The following SLC46A3 variants were observed in gnomAD, a reference collection of about 807,000 sequenced individuals.
SLC46A3 encodes lysosomal proton-coupled steroid conjugate and bile acid symporter SLC46A3.
SLC46A3 carries 26 observed loss-of-function variants against 38.5 expected under a neutral mutation model. The observed-to-expected ratio is 0.68, with a 90% confidence interval of 0.49 to 0.94. The LOEUF is 0.94. SLC46A3 is among the 40% of genes least tolerant of loss of function. SLC46A3 has a pLI of 0.00. For missense variants in SLC46A3, 510 were observed against 544.3 expected (o/e 0.94, Z 0.63); for synonymous variants, 185 against 192.5 (o/e 0.96, Z 0.32).
Position 28,718,548 on chromosome 13 carries a change from G to C in SLC46A3, c.-77C>G, listed in dbSNP as rs781207792. On this transcript the variant is annotated 5_prime_UTR_variant, in exon 1 of 6. Coordinates refer to ENST00000266943, the MANE Select transcript of SLC46A3 (RefSeq NM_181785.4). ...TGGGTACAGGTCGGGCCGTGCCAGG[G>C]GCTGTCGCCTCGGATGCCCTGCGCT... is the stretch of plus-strand genomic sequence containing the variant. 2 of 152,476 alleles carry C rather than the reference G, an allele frequency of 1.3e-5. No individual in the cohort carries two copies. Among genetic ancestry groups the C allele is most frequent in the Non-Finnish European group, 2.9e-5 (2 of 68,242 alleles). The allele number at this position is 152,476 out of a possible 1,614,324, so 9.4% of individuals were successfully genotyped here.
In SLC46A3 at chr13:28,713,267, T is replaced by C. The variant is rs1347084759; in HGVS notation, c.473A>G (p.Gln158Arg). The change falls in exon 3 of 6, where the codon CAG becomes CGG. Residue 158 changes from glutamine to arginine, a missense_variant. Transcript: ENST00000266943. ...WGACFAYIVD[Q>R]CKEHKQKTIR... ...TGTTTTTTGTTTGTGTTCTTTACAC[T>C]GATCAACTATATAGGCAAAGCAAGC... 2 of 1,614,018 alleles carry C rather than the reference T, an allele frequency of 1.2e-6. No individual in the cohort carries two copies. The highest frequency in any genetic ancestry group is 1.7e-5 in the Admixed American group (1 of 60,024).
intron 4 of SLC46A3, among the ~76,000 whole-genome samples, chr13:28,707,435 A>T (rs568149626): frequency 1.3e-5 from 2 of 149,900 alleles, no homozygotes; most frequent in Non-Finnish European, 3.0e-5. Flanking sequence ...GAGGGATAGC[A>T]TTAGGAGATA....
rs768894340 is a variant in SLC46A3, at chr13:28,713,611, T to C, written c.190-61A>G. ...GTAGTTAACACAACGTGTATAAAAA[T>C]ATCATGGTGCATATGCTTTTTTCCC... On this transcript the variant is annotated intron_variant, in intron 2 of 5. Transcript: ENST00000266943. 1.9e-4 allele frequency: 292 copies of C among 1,497,594 alleles called. 2 individuals carry two copies. The highest frequency in any genetic ancestry group is 2.6e-4 in the Non-Finnish European group (285 of 1,109,058). The allele number at this position is 1,497,594 out of a possible 1,614,324, so 92.8% of individuals were successfully genotyped here.
intron 1 of SLC46A3, 70 bp from the exon 2 acceptor site, chr13:28,718,092 G>C: frequency 7.6e-7 from 1 of 1,315,582 alleles, no homozygotes; most frequent in Non-Finnish European, 1.0e-6. Context: ...AGATGGGTAA[G>C]TTTGAGCAAT....
intron 2 of SLC46A3, among the ~76,000 whole-genome samples, chr13:28,714,149 A>AC (rs1885452751): frequency 5.3e-5 from 1 of 19,046 alleles, no homozygotes; most frequent in Non-Finnish European, 3.3e-4. Context: ...TACAAAAAAA[A>AC]AAAAAAAAAA....
Position 28,718,846 on chromosome 13 carries a change from G to C in SLC46A3, c.-375C>G, listed in dbSNP as rs1014948910. ...ACCTCGGCCTCAGCGCGGCGCGGCG[G>C]GGCGCGGAGCAGCTGCTCCTTCTGC... On this transcript the variant is annotated 5_prime_UTR_variant, in exon 1 of 6. Coordinates refer to ENST00000266943, the MANE Select transcript of SLC46A3 (RefSeq NM_181785.4). 1 of 152,478 alleles carries C rather than the reference G, an allele frequency of 6.6e-6. No homozygotes were observed. Among genetic ancestry groups the C allele is most frequent in the East Asian group, 1.9e-4 (1 of 5,186 alleles). The allele number at this position is 152,478 out of a possible 1,614,324, so 9.4% of individuals were successfully genotyped here. A position where few individuals can be genotyped will look rare whatever the true frequency, so the allele number is the denominator to read the frequency against.
chr13:28,718,636 G>T lies in SLC46A3; in HGVS notation c.-165C>A, dbSNP rs961344846. 1.3e-5 allele frequency: 2 copies of T among 152,336 alleles called. No individual in the cohort carries two copies. The highest frequency in any genetic ancestry group is 2.9e-5 in the Non-Finnish European group (2 of 68,110). 9.4% of individuals were successfully genotyped at this position (152,336 alleles called of 1,614,324 possible). ...GGCAACAGAGGACGCGCCGGGGACA[G>T]TAACCTCGGACTACGCGGCCGGCGC... On this transcript the variant is annotated 5_prime_UTR_variant, in exon 1 of 6. In the 5' UTR this introduces an upstream ATG that the reference lacks. Coordinates refer to ENST00000266943, the MANE Select transcript of SLC46A3 (RefSeq NM_181785.4).
intron 4 of SLC46A3, among the ~76,000 whole-genome samples, chr13:28,709,355 G>T (rs917778832): frequency 1.3e-5 from 2 of 150,594 alleles, no homozygotes; most frequent in African/African-American, 2.4e-5. Context: ...AGTAAAAGAA[G>T]AAATATATTT....
rs1162687375 is a variant in SLC46A3, at chr13:28,718,931, A to C, written c.-460T>G. The C allele has an allele frequency of 6.6e-6, 1 of 152,282 alleles. No individual in the cohort carries two copies. Among genetic ancestry groups the C allele is most frequent in the Non-Finnish European group, 1.5e-5 (1 of 68,088 alleles). The allele number at this position is 152,282 out of a possible 1,614,324, so 9.4% of individuals were successfully genotyped here. On this transcript the variant is annotated 5_prime_UTR_variant, in exon 1 of 6. Transcript: ENST00000266943. Reference sequence around the variant, plus strand: ...GTCGGTCAGCGGCCCTGCCAGCGCTAGGCGATGACTCGGCCGCAGCCAGCT... The same window carrying C: ...GTCGGTCAGCGGCCCTGCCAGCGCTCGGCGATGACTCGGCCGCAGCCAGCT...
Position 28,712,880 on chromosome 13 carries a change from T to C in SLC46A3, c.860A>G (p.Asp287Gly), listed in dbSNP as rs778104040. 6.2e-7 allele frequency: 1 copy of C among 1,610,978 alleles called. No homozygotes were observed. Among genetic ancestry groups the C allele is most frequent in the Non-Finnish European group, 8.5e-7 (1 of 1,179,316 alleles). Reference protein sequence around the residue: ...IAPIFILYELDSPLCWNEVFI... With the variant: ...IAPIFILYELGSPLCWNEVFI... ...AACTTCATTCCAGCAGAGTGGTGAA[T>C]CCAATTCATAAAGGATAAAAATTGG... is the stretch of plus-strand genomic sequence containing the variant. Residue 287 changes from aspartate to glycine, a missense_variant, in exon 3 of 6, where the codon GAT (aspartate) becomes GGT (glycine). Coordinates refer to ENST00000266943, the MANE Select transcript of SLC46A3 (RefSeq NM_181785.4).
At chr13:28,717,299 T>C (rs1302606326) in intron 2 of SLC46A3, among the ~76,000 whole-genome samples, 1 of 152,052 alleles carries the variant, frequency 6.6e-6, no homozygotes, top group African/African-American at 2.4e-5. Flanking sequence ...CACCCCACCC[T>C]GTGACAGACA....
intron 3 of SLC46A3, 71 bp downstream of exon 3, chr13:28,712,609 C>A: frequency 7.0e-7 from 1 of 1,428,958 alleles, no homozygotes; most frequent in Non-Finnish European, 9.2e-7. Flanking sequence ...AGTTTCTCCC[C>A]CAGTAGACTA....
At chr13:28,710,944 C>T in intron 3 of SLC46A3, 101 bp from the exon 4 acceptor site, 1 of 795,538 alleles carries the variant, frequency 1.3e-6, no homozygotes, top group Non-Finnish European at 2.1e-6. Flanking sequence ...TCCTTTTCTA[C>T]AAGCATCCTA....
Position 28,700,986 on chromosome 13 carries a change from T to C in SLC46A3, c.*511A>G. 6.5e-7 allele frequency: 1 copy of C among 1,532,204 alleles called. No individual in the cohort carries two copies. Among genetic ancestry groups the C allele is most frequent in the Non-Finnish European group, 8.8e-7 (1 of 1,135,052 alleles). The allele number at this position is 1,532,204 out of a possible 1,614,324, so 94.9% of individuals were successfully genotyped here. A position where few individuals can be genotyped will look rare whatever the true frequency, so the allele number is the denominator to read the frequency against. ...AAAATAAAGCATTACCAAGTATAGG[T>C]AAAATCATACATATTTGAAACTTAT... On this transcript the variant is annotated 3_prime_UTR_variant, in exon 6 of 6. Transcript: ENST00000266943.
Position 28,717,462 on chromosome 13 carries a change from C to T in SLC46A3, c.189+348G>A, listed in dbSNP as rs184404112. Among the ~76,000 whole-genome samples the T allele has an allele frequency of 3.1e-5, 4 of 128,940 alleles. No homozygotes were observed. In the Admixed American group the frequency reaches 3.2e-4, roughly 10 times the overall value. The allele number at this position is 128,940 out of a possible 152,430, so 84.6% of individuals were successfully genotyped here. The stretch of plus-strand genomic sequence containing the variant: ...CTGTCCACCAAGTAGCTCATTCCAG[C>T]CTGCCCTGCCCCAATTTTCAGACTT... On this transcript the variant is annotated intron_variant, in intron 2 of 5. Coordinates refer to ENST00000266943, the MANE Select transcript of SLC46A3 (RefSeq NM_181785.4).
chr13:28,704,877 A>G (rs183384261), intron 4 of SLC46A3, among the ~76,000 whole-genome samples: 3 of 152,350 alleles, frequency 2.0e-5, no homozygotes, highest in Admixed American at 2.0e-4. Context: ...CACACTTGCT[A>G]TACACCAAAG....
intron 4 of SLC46A3, among the ~76,000 whole-genome samples, chr13:28,706,208 G>T (rs1283754291): frequency 6.6e-6 from 1 of 152,176 alleles, no homozygotes; most frequent in Non-Finnish European, 1.5e-5. Flanking sequence ...GTTCACAGTG[G>T]TGCAGAGCGC....
At position 28,717,485 on chromosome 13, in the gene SLC46A3, CTTTTTTTTT is replaced by C. The variant is rs56878379; in HGVS notation, c.189+316_189+324del. Among the ~76,000 whole-genome samples the C allele has an allele frequency of 4.3e-3, 549 of 126,886 alleles. 1 individual carries two copies. Among genetic ancestry groups the C allele is most frequent in the East Asian group, 8.7e-3 (41 of 4,694 alleles). 83.2% of individuals were successfully genotyped at this position (126,886 alleles called of 152,430 possible). ...AGCCTGCCCTGCCCCAATTTTCAGACTTTTTTTTTTTTTTTTTTTTTTTTTAGGACAAAG... is the reference window on the plus strand; with the variant it reads ...AGCCTGCCCTGCCCCAATTTTCAGACTTTTTTTTTTTTTTTTAGGACAAAG... On this transcript the variant is annotated intron_variant, in intron 2 of 5. Transcript: ENST00000266943.
At chr13:28,708,007 C>T (rs928225220) in intron 4 of SLC46A3, among the ~76,000 whole-genome samples, 22 of 152,164 alleles carry the variant, frequency 1.4e-4, no homozygotes, top group African/African-American at 5.3e-4. Context: ...TGGCATGTAA[C>T]AGAACGATAT....
Sources: gnomAD v4.1 joint callset for allele counts (sites outside exome capture counted in the v4.1 genomes callset) on GRCh38, gnomAD v4.1.1 for gene constraint, MANE v1.5 for transcripts, NCBI Gene and HGNC (gene_info 2026-07-23, HGNC 2026-07-21) for gene names.